Variants in CHSY1 observed in about 807,000 individuals in gnomAD.
The protein encoded by CHSY1 is chondroitin sulfate synthase 1, also known as N-acetylgalactosaminyl-proteoglycan 3-beta-glucuronosyltransferase 1.
In CHSY1, 13 loss-of-function variants were observed where a neutral mutation model predicts 59.8. The ratio of observed to expected loss-of-function variants is 0.22; its 90% CI spans 0.14 to 0.35. CHSY1 has a LOEUF of 0.35. Among genes scored for constraint, CHSY1 ranks in the 10% least tolerant of loss-of-function variants. The pLI, the probability that CHSY1 is intolerant of heterozygous loss-of-function variation, is 1.00. For missense variants in CHSY1, 947 were observed against 1,030.6 expected (o/e 0.92, Z 1.11); for synonymous variants, 459 against 401.2 (o/e 1.14, Z -1.72).
intron 2 of CHSY1, among the ~76,000 whole-genome samples, chr15:101,198,470 T>C (rs1207377607): frequency 6.6e-6 from 1 of 152,174 alleles, no homozygotes; most frequent in African/African-American, 2.4e-5. Flanking sequence ...CGGGAACCCA[T>C]GAACGAACTA....
chr15:101,177,125 T>C lies in CHSY1; in HGVS notation c.*263A>G, dbSNP rs189273332. ...GAGCAAAGGGTCTCAAAAGAAAACA[T>C]TTTTTTAAAAAAGTTTTGTTCATCA... On this transcript the variant is annotated 3_prime_UTR_variant, in exon 3 of 3. Coordinates refer to ENST00000254190, the MANE Select transcript of CHSY1 (RefSeq NM_014918.5). The C allele has an allele frequency of 4.0e-4, 148 of 374,306 alleles. No homozygotes were observed. The highest frequency in any genetic ancestry group is 2.9e-3 in the African/African-American group (136 of 47,298). 23.2% of individuals were successfully genotyped at this position (374,306 alleles called of 1,614,324 possible). A position where few individuals can be genotyped will look rare whatever the true frequency, so the allele number is the denominator to read the frequency against.
intron 2 of CHSY1, among the ~76,000 whole-genome samples, chr15:101,191,650 G>T (rs1051505690): frequency 6.6e-6 from 1 of 152,164 alleles, no homozygotes; most frequent in Non-Finnish European, 1.5e-5. Flanking sequence ...CCATATTGGG[G>T]GAGACTGTGC....
intron 2 of CHSY1, among the ~76,000 whole-genome samples, chr15:101,220,931 G>A (rs944042873): frequency 4.6e-5 from 7 of 151,966 alleles, no homozygotes; most frequent in African/African-American, 9.7e-5. Context: ...TCCATCAGTC[G>A]ACCGCCTTAT....
rs746006586 is a variant in CHSY1 at position 101,235,374 on chromosome 15, T to A, written c.524A>T (p.Tyr175Phe). ...EWFMRADDDV[Y>F]IKGDRLENFL... ...GTTCTCCAGACGGTCTCCTTTGATG[T>A]ACACGTCATCATCTGCTCTCATAAA... Residue 175 changes from tyrosine (Y) to phenylalanine (F), a missense_variant, in exon 2 of 3, where the codon TAC becomes TTC. By Grantham distance (22) the Tyr-to-Phe change is conservative. This residue lies in a region of CHSY1 where 108 missense variants were observed against 144.4 expected (regional missense o/e 0.75). Coordinates refer to ENST00000254190, the MANE Select transcript of CHSY1 (RefSeq NM_014918.5). 1.3e-5 allele frequency: 21 copies of A among 1,614,084 alleles called. No homozygotes were observed. Among genetic ancestry groups the A allele is most frequent in the Non-Finnish European group, 1.7e-5 (20 of 1,180,046 alleles).
At chr15:101,201,472 G>A (rs1177575868) in intron 2 of CHSY1, among the ~76,000 whole-genome samples, 1 of 152,218 alleles carries the variant, frequency 6.6e-6, no homozygotes, top group African/African-American at 2.4e-5. Context: ...AAGCCAATGA[G>A]CCCGCCCAGC....
At chr15:101,240,664 G>A (rs1016756030) in intron 1 of CHSY1, among the ~76,000 whole-genome samples, 5 of 152,186 alleles carry the variant, frequency 3.3e-5, no homozygotes, top group Admixed American at 1.3e-4. Context: ...CTTAGCTAAG[G>A]AATGCCTTTG....
At chr15:101,234,945 T>G in intron 2 of CHSY1, 137 bp downstream of exon 2, 1 of 1,156,546 alleles carries the variant, frequency 8.6e-7, no homozygotes, top group South Asian at 1.4e-5. Flanking sequence ...TTTTTTAATC[T>G]AAGGCTAAAA....
At position 101,177,124 on chromosome 15, in the gene CHSY1, A is replaced by ATT. The variant is rs531429027; in HGVS notation, c.*262_*263dup. ...GGAGCAAAGGGTCTCAAAAGAAAAC[A>ATT]TTTTTTTAAAAAAGTTTTGTTCATC... On this transcript the variant is annotated 3_prime_UTR_variant, in exon 3 of 3. Coordinates refer to ENST00000254190, the MANE Select transcript of CHSY1 (RefSeq NM_014918.5). 2.7e-6 allele frequency: 1 copy of ATT among 374,158 alleles called. No individual in the cohort carries two copies. Among genetic ancestry groups the ATT allele is most frequent in the African/African-American group, 2.1e-5 (1 of 47,754 alleles). 23.2% of individuals were successfully genotyped at this position (374,158 alleles called of 1,614,324 possible).
chr15:101,245,501 G>A (rs994516044), intron 1 of CHSY1, among the ~76,000 whole-genome samples: 16 of 152,106 alleles, frequency 1.1e-4, no homozygotes, highest in African/African-American at 3.9e-4. Context: ...ACCATCGCTC[G>A]TTTCCTTCTG....
At chr15:101,227,009 G>A (rs1354894622) in intron 2 of CHSY1, among the ~76,000 whole-genome samples, 4 of 152,154 alleles carry the variant, frequency 2.6e-5, no homozygotes, top group Non-Finnish European at 4.4e-5. Context: ...AAAGTAAAGC[G>A]AACACTGACA....
intron 1 of CHSY1, among the ~76,000 whole-genome samples, chr15:101,236,802 G>A (rs1211693214): frequency 1.3e-5 from 2 of 150,342 alleles, no homozygotes; most frequent in African/African-American, 4.9e-5. Context: ...TCCAGCCTGG[G>A]AGACAGAGCA....
intron 2 of CHSY1, among the ~76,000 whole-genome samples, chr15:101,229,750 T>C (rs373185236): frequency 2.0e-5 from 3 of 151,690 alleles, no homozygotes; most frequent in South Asian, 4.2e-4. Flanking sequence ...CTAATAAAAA[T>C]ACAAAATTTA....
chr15:101,232,212 C>T (rs543775399), intron 2 of CHSY1, among the ~76,000 whole-genome samples: 2 of 152,298 alleles, frequency 1.3e-5, no homozygotes, highest in South Asian at 4.1e-4. Context: ...TAAGTACCTT[C>T]CAAGTCCCAA....
rs1413968742 is a variant in CHSY1, at chr15:101,177,538, G to C, written c.2259C>G (p.Pro753=). 6.2e-7 allele frequency: 1 copy of C among 1,613,566 alleles called. No homozygotes were observed. The highest frequency in any genetic ancestry group is 1.3e-5 in the African/African-American group (1 of 74,884). The stretch of plus-strand genomic sequence containing the variant: ...TTTTGTACTGTTTGGGGTCAAGATT[G>C]GGATCACAAAAGACAGGATGGTGGA... ...VHVHHPVFCD[P]NLDPKQYKMC... Residue 753 remains proline, a synonymous_variant, in exon 3 of 3, where the codon CCC becomes CCG. Coordinates refer to ENST00000254190, the MANE Select transcript of CHSY1 (RefSeq NM_014918.5).
intron 2 of CHSY1, among the ~76,000 whole-genome samples, chr15:101,228,916 T>C (rs1231154959): frequency 3.3e-5 from 5 of 152,224 alleles, no homozygotes; most frequent in Non-Finnish European, 7.4e-5. Context: ...CTCTGTTGAC[T>C]GGCATACAAC....
At chr15:101,241,310 C>T (rs1230135580) in intron 1 of CHSY1, among the ~76,000 whole-genome samples, 2 of 152,180 alleles carry the variant, frequency 1.3e-5, no homozygotes, top group African/African-American at 2.4e-5. Context: ...AGGCTGGTCT[C>T]GAACTCCTGA....
Position 101,235,419 on chromosome 15 carries a change from T to G in CHSY1, c.479A>C (p.Tyr160Ser). The change falls in exon 2 of 3, where the codon TAC becomes TCC. Residue 160 changes from tyrosine to serine, a missense_variant. Tyr to Ser is a moderately radical substitution (Grantham distance 144). Coordinates refer to ENST00000254190, the MANE Select transcript of CHSY1 (RefSeq NM_014918.5). The part of the protein sequence containing the change: ...FMMLKYMHDH[Y>S]LDKYEWFMRA... ...CATAAACCATTCATACTTGTCCAAG[T>G]AGTGGTCGTGCATGTACTTGAGCAT... is the stretch of plus-strand genomic sequence containing the variant. 2.5e-6 allele frequency: 4 copies of G among 1,614,162 alleles called. No homozygotes were observed. Among genetic ancestry groups the G allele is most frequent in the Non-Finnish European group, 3.4e-6 (4 of 1,180,032 alleles).
intron 2 of CHSY1, among the ~76,000 whole-genome samples, chr15:101,234,101 A>G (rs1375490863): frequency 2.0e-5 from 3 of 152,324 alleles, no homozygotes; most frequent in Middle Eastern, 6.8e-3. Context: ...AGGAAAGTCC[A>G]AAGCCAGTCC....
intron 1 of CHSY1, among the ~76,000 whole-genome samples, chr15:101,244,246 AG>A (rs2039030065): frequency 6.6e-6 from 1 of 152,218 alleles, no homozygotes; most frequent in Non-Finnish European, 1.5e-5. Flanking sequence ...ATTTACATTA[AG>A]ATACAAAAGC....
Sources: allele counts gnomAD v4.1 joint callset (sites outside exome capture counted in the v4.1 genomes callset), GRCh38; gene constraint gnomAD v4.1.1; regional missense constraint gnomAD v4.1.1; transcripts MANE v1.5; gene names NCBI Gene and HGNC (gene_info 2026-07-23, HGNC 2026-07-21).